BRAF: variants seen among roughly 807,000 people sequenced by gnomAD.
BRAF encodes serine/threonine-protein kinase B-raf.
Under a neutral mutation model 104.6 loss-of-function variants are expected in BRAF, and 16 were observed. That is an observed-to-expected ratio of 0.15 (90% confidence interval 0.10 to 0.23). BRAF has a LOEUF of 0.23. Ranked by LOEUF, BRAF falls within the 10% of genes least tolerant of loss-of-function variation. The pLI is 1.00. For synonymous variants in BRAF, 310 were observed against 341.6 expected, an observed-to-expected ratio of 0.91 and a Z score of 1.02; for missense variants, 541 against 937.3, an observed-to-expected ratio of 0.58 and a Z score of 5.52.
At position 140,826,673 on chromosome 7, in the gene BRAF, T is replaced by G. The variant is rs544895500; in HGVS notation, c.504+7936A>C. Reference sequence around the variant, plus strand: ...TATACTTCAGATTTGTACCCTCTACTGTGTATAAGTTCCATCTCAAAAAAG... The same window carrying G: ...TATACTTCAGATTTGTACCCTCTACGGTGTATAAGTTCCATCTCAAAAAAG... On this transcript the variant is annotated intron_variant, in intron 3 of 19. Transcript: ENST00000644969. Among the ~76,000 whole-genome samples, 5 of 152,314 alleles carry G rather than the reference T, an allele frequency of 3.3e-5. No individual in the cohort carries two copies. In the South Asian group the frequency reaches 1.0e-3, roughly 32 times the overall value.
chr7:140,775,183 G>A (rs1004387472), intron 14 of BRAF, among the ~76,000 whole-genome samples: 7 of 152,080 alleles, frequency 4.6e-5, no homozygotes, highest in Non-Finnish European at 1.0e-4. Flanking sequence ...TGTGGCATGT[G>A]TATCCTAAAG....
chr7:140,924,880 T>G lies in BRAF; in HGVS notation c.-177A>C. 3 of 162,758 alleles carry G rather than the reference T, an allele frequency of 1.8e-5. No homozygotes were observed. Among genetic ancestry groups the G allele is most frequent in the Non-Finnish European group, 1.2e-5 (1 of 80,818 alleles). 10.1% of individuals were successfully genotyped at this position (162,758 alleles called of 1,614,324 possible). On this transcript the variant is annotated 5_prime_UTR_variant, in exon 1 of 20. Transcript: ENST00000644969. This position sits in a 1 kb window ranked among gnomAD's most constrained non-coding sequence, Gnocchi z 4.2. ...CGGAGGGCGCCTGGGCCACCTCAGG[T>G]ACCGGCCCGCGGCCCCGGGCGCAGC...
intron 1 of BRAF, among the ~76,000 whole-genome samples, chr7:140,893,457 G>C (rs1396604888): frequency 7.2e-5 from 11 of 152,010 alleles, no homozygotes; most frequent in Admixed American, 7.2e-4. Context: ...CACCATGTTA[G>C]CCAGGATGGT....
intron 3 of BRAF, among the ~76,000 whole-genome samples, chr7:140,816,708 T>G (rs1278467076): frequency 6.6e-6 from 1 of 152,140 alleles, no homozygotes; most frequent in Non-Finnish European, 1.5e-5. Flanking sequence ...TACTCAGTAT[T>G]AGACACTACT....
rs1196172450 is a variant in BRAF at position 140,834,599 on chromosome 7, A to G, written c.504+10T>C. ...GAAACAGCAAAATGGTGATATTAAA[A>G]CTGACTCACCACTGTCCTCTGTTTG... On this transcript the variant is annotated intron_variant, in intron 3 of 19. Transcript: ENST00000644969. 6.2e-7 allele frequency: 1 copy of G among 1,614,082 alleles called. No homozygotes were observed. The highest frequency in any genetic ancestry group is 8.5e-7 in the Non-Finnish European group (1 of 1,179,968).
Position 140,721,605 on chromosome 7 carries a change from G to A in BRAF, c.*4889C>T. On this transcript the variant is annotated 3_prime_UTR_variant, in exon 20 of 20. Coordinates refer to ENST00000644969, the MANE Select transcript of BRAF (RefSeq NM_001374258.1). ...GGTGACTCCGCTCTCCTCTGGCCAA[G>A]CTACAAATCATCACCTGAGGCAGAG... 6 of 1,535,074 alleles carry A rather than the reference G, an allele frequency of 3.9e-6. No homozygotes were observed. Among genetic ancestry groups the A allele is most frequent in the Non-Finnish European group, 5.2e-6 (6 of 1,146,342 alleles).
At chr7:140,868,986 A>G (rs527314324) in intron 1 of BRAF, among the ~76,000 whole-genome samples, 1 of 152,344 alleles carries the variant, frequency 6.6e-6, no homozygotes, top group South Asian at 2.1e-4. Context: ...GAGGTATGAT[A>G]AAAGGGAGTC....
chr7:140,904,125 T>C (rs1420502238), intron 1 of BRAF, among the ~76,000 whole-genome samples: 2 of 152,230 alleles, frequency 1.3e-5, no homozygotes, highest in Non-Finnish European at 2.9e-5. Flanking sequence ...GCAGTTCTAC[T>C]GTGGTTCAAA....
At chr7:140,908,044 C>A (rs1374704530) in intron 1 of BRAF, among the ~76,000 whole-genome samples, 2 of 152,194 alleles carry the variant, frequency 1.3e-5, no homozygotes, top group African/African-American at 4.8e-5. Context: ...CGTGCCTGGC[C>A]CTAAGTCACT....
intron 3 of BRAF, among the ~76,000 whole-genome samples, chr7:140,811,167 G>A (rs937465982): frequency 1.3e-5 from 2 of 152,182 alleles, no homozygotes; most frequent in Non-Finnish European, 2.9e-5. Context: ...CGTATCGACT[G>A]ACTGATGAAA....
chr7:140,843,755 C>T (rs1409455129), intron 2 of BRAF, among the ~76,000 whole-genome samples: 1 of 152,140 alleles, frequency 6.6e-6, no homozygotes, highest in African/African-American at 2.4e-5. Flanking sequence ...CCTATAATCC[C>T]AGCACTTTGG....
At chr7:140,801,861 G>A (rs1168025672) in intron 5 of BRAF, among the ~76,000 whole-genome samples, 1 of 152,134 alleles carries the variant, frequency 6.6e-6, no homozygotes, top group Non-Finnish European at 1.5e-5. Flanking sequence ...GACATGAAAA[G>A]GAGGAGGAAA....
In BRAF at chr7:140,859,218, CCT is replaced by C. The variant is rs551284768; in HGVS notation, c.139-9008_139-9007del. Reference sequence around the variant, plus strand: ...TCAGATGACTCTAGAGGTTTCCACCCCTGTTTTGGTAGCTTATCAAAAAGTTG... The same window carrying C: ...TCAGATGACTCTAGAGGTTTCCACCCGTTTTGGTAGCTTATCAAAAAGTTG... On this transcript the variant is annotated intron_variant, in intron 1 of 19. Coordinates refer to ENST00000644969, the MANE Select transcript of BRAF (RefSeq NM_001374258.1). 3.4e-3 allele frequency among the ~76,000 whole-genome samples: 512 copies of C among 152,278 alleles called. 3 individuals are homozygous for C. Among genetic ancestry groups the C allele is most frequent in the African/African-American group, 0.012 (486 of 41,558 alleles).
At chr7:140,770,793 T>C (rs1272419) in intron 14 of BRAF, among the ~76,000 whole-genome samples, 45,651 of 151,252 alleles carry the variant, frequency 0.3, 10,925 homozygotes, top group African/African-American at 0.67. Context: ...ATTAGCCAGG[T>C]GTGGTGGTGG....
chr7:140,827,275 T>C (rs1030994639), intron 3 of BRAF, among the ~76,000 whole-genome samples: 1 of 152,168 alleles, frequency 6.6e-6, no homozygotes, highest in African/African-American at 2.4e-5. Context: ...CTTGAGATAG[T>C]CAGTAAAGCA....
intron 1 of BRAF, among the ~76,000 whole-genome samples, chr7:140,898,679 A>G (rs1451264711): frequency 2.6e-5 from 4 of 152,168 alleles, no homozygotes; most frequent in African/African-American, 9.7e-5. Context: ...AAAGTCTCCC[A>G]TTTGTCCTTA....
intron 1 of BRAF, among the ~76,000 whole-genome samples, chr7:140,912,693 TCTC>T (rs1446044855): frequency 1.3e-5 from 2 of 152,076 alleles, no homozygotes; most frequent in Non-Finnish European, 2.9e-5. Context: ...AATCAAAACA[TCTC>T]CTTCAATATT....
At chr7:140,793,372 G>C (rs1408536319) in intron 8 of BRAF, among the ~76,000 whole-genome samples, 1 of 152,048 alleles carries the variant, frequency 6.6e-6, no homozygotes, top group South Asian at 2.1e-4. Context: ...AACCTTGCTA[G>C]TTAAGGAAAA....
chr7:140,796,735 C>T (rs952113964), intron 7 of BRAF, among the ~76,000 whole-genome samples: 3 of 152,162 alleles, frequency 2.0e-5, no homozygotes, highest in Non-Finnish European at 4.4e-5. Context: ...TACAAGGGAA[C>T]ACTTGAAGTG....
Sources: gnomAD v4.1 joint callset for allele counts (sites outside exome capture counted in the v4.1 genomes callset) on GRCh38, gnomAD v4.1.1 for gene constraint, Gnocchi (gnomAD v3.1) non-coding constraint, MANE v1.5 for transcripts, NCBI Gene and HGNC (gene_info 2026-07-23, HGNC 2026-07-21) for gene names.